SLC19A1: variants seen among roughly 807,000 people sequenced by gnomAD.
SLC19A1 encodes reduced folate transporter.
Under a neutral mutation model 35.3 loss-of-function variants are expected in SLC19A1, and 37 were observed. The observed-to-expected ratio is 1.05, with a 90% CI of 0.81 to 1.38. The LOEUF (loss-of-function observed/expected upper bound fraction) is 1.38. Among genes scored for constraint, SLC19A1 ranks in the 40% most tolerant of loss-of-function variants. SLC19A1 has a pLI of 0.00. For synonymous variants in SLC19A1, 460 were observed against 398.5 expected, an observed-to-expected ratio of 1.15 and a Z score of -1.84; for missense variants, 831 against 826.9, an observed-to-expected ratio of 1.00 and a Z score of -0.06.
Position 45,530,782 on chromosome 21 carries a change from A to ACGAGGAACTGGTAGGAGC in SLC19A1, c.1121_1138dup (p.Gly374_Leu379dup). 1 of 1,561,572 alleles carries ACGAGGAACTGGTAGGAGC rather than the reference A, an allele frequency of 6.4e-7. No homozygotes were observed. The highest frequency in any genetic ancestry group is 1.2e-5 in the South Asian group (1 of 85,280). ...TTCTGGAACTCACGTGGCGATGGGCACGAGGAACTGGTAGGAGCCGCGGAA... is the reference window on the plus strand; with the variant it reads ...TTCTGGAACTCACGTGGCGATGGGCACGAGGAACTGGTAGGAGCCGAGGAACTGGTAGGAGCCGCGGAA... On this transcript the variant is annotated inframe_insertion, in exon 4 of 6. Transcript: ENST00000311124. This position sits in a 1 kb window ranked among gnomAD's most constrained non-coding sequence, Gnocchi z 5.3.
At position 45,503,857 on chromosome 21, in the gene SLC19A1, C is replaced by T. The variant is rs570672230; in HGVS notation, c.498-5245G>A. ...CATTAACAAAAACATCAGAAAGTAT[C>T]GGTTAACTAGGAAGAACCTAATTAA... On this transcript the variant is annotated intron_variant, in intron 3 of 4. Transcript: ENST00000417954. The T allele has an allele frequency of 4.6e-4, 273 of 599,140 alleles. 1 individual carries two copies. Among genetic ancestry groups the T allele is most frequent in the African/African-American group, 1.6e-3 (89 of 54,280 alleles). The allele number at this position is 599,140 out of a possible 1,614,324, so 37.1% of individuals were successfully genotyped here. A position where few individuals can be genotyped will look rare whatever the true frequency, so the allele number is the denominator to read the frequency against.
chr21:45,517,923 C>A lies in SLC19A1; in HGVS notation c.1294-1783G>T, dbSNP rs901651347. On this transcript the variant is annotated intron_variant, in intron 5 of 5. Coordinates refer to ENST00000311124, the MANE Select transcript of SLC19A1 (RefSeq NM_194255.4). This position sits in a 1 kb window ranked among gnomAD's most constrained non-coding sequence, Gnocchi z 4.4. ...CACCCCGCTTGACCTGCAGGAGTTGCGTCAGCCACAACAGGATGCTGAAAT... is the reference window on the plus strand; with the variant it reads ...CACCCCGCTTGACCTGCAGGAGTTGAGTCAGCCACAACAGGATGCTGAAAT... 6.6e-6 allele frequency among the ~76,000 whole-genome samples: 1 copy of A among 152,184 alleles called. No individual in the cohort carries two copies. Among genetic ancestry groups the A allele is most frequent in the Non-Finnish European group, 1.5e-5 (1 of 68,040 alleles).
chr21:45,538,013 A>T lies in SLC19A1; in HGVS notation c.-49-5T>A. 7.1e-7 allele frequency: 1 copy of T among 1,402,904 alleles called. No homozygotes were observed. Among genetic ancestry groups the T allele is most frequent in the Non-Finnish European group, 9.4e-7 (1 of 1,062,352 alleles). The allele number at this position is 1,402,904 out of a possible 1,614,324, so 86.9% of individuals were successfully genotyped here. A position where few individuals can be genotyped will look rare whatever the true frequency, so the allele number is the denominator to read the frequency against. On this transcript the variant is annotated splice_region_variant and splice_polypyrimidine_tract_variant and intron_variant, in intron 1 of 5. Coordinates refer to ENST00000311124, the MANE Select transcript of SLC19A1 (RefSeq NM_194255.4). ...GGGACGAAGGTGACGCTGTGCCTGG[A>T]AGGAGGGGTGGAGTCAGGGCACCTT...
intron 5 of SLC19A1, among the ~76,000 whole-genome samples, chr21:45,521,249 A>G (rs953751735): frequency 2.0e-5 from 3 of 152,244 alleles, no homozygotes; most frequent in Admixed American, 6.5e-5. Flanking sequence ...ATGGCAGCCC[A>G]AACAGACTAA....
chr21:45,509,485 C>T (rs375753362), downstream of SLC19A1: 37 of 1,526,574 alleles, frequency 2.4e-5, no homozygotes, highest in South Asian at 1.3e-4. Context: ...CAGCCCCCCT[C>T]GCCTGCCCGA....
downstream of SLC19A1, chr21:45,510,224 G>A (rs200043539): frequency 6.8e-4 from 1,087 of 1,606,496 alleles, 3 homozygotes; most frequent in Non-Finnish European, 8.4e-4. Flanking sequence ...ATCGTGCGCC[G>A]TGCCGACCGC....
At chr21:45,509,527 A>C (rs748677532), downstream of SLC19A1, 1 of 1,536,538 alleles carries the variant, frequency 6.5e-7, no homozygotes, top group East Asian at 2.4e-5. Context: ...CCCGCACCAC[A>C]GCTCCTACGT....
Position 45,512,640 on chromosome 21 carries a change from C to A in SLC19A1, c.*3018G>T. 1 of 575,134 alleles carries A rather than the reference C, an allele frequency of 1.7e-6. No homozygotes were observed. Among genetic ancestry groups the A allele is most frequent in the South Asian group, 2.0e-5 (1 of 50,176 alleles). The allele number at this position is 575,134 out of a possible 1,614,324, so 35.6% of individuals were successfully genotyped here. ...CCCCAACTCTCCCCTGACCTGTGAG[C>A]CCAGCTGGGTCAGGCAGGGTGCAGT... is the stretch of plus-strand genomic sequence containing the variant. On this transcript the variant is annotated 3_prime_UTR_variant, in exon 6 of 6. Transcript: ENST00000311124.
Position 45,555,139 on chromosome 21 carries a change from AGGGGGCGGTGCAGGGGGCGGC to A in SLC19A1, c.-50+7582_-50+7602del, listed in dbSNP as rs1196334716. Among the ~76,000 whole-genome samples, 32 of 100,242 alleles carry A rather than the reference AGGGGGCGGTGCAGGGGGCGGC, an allele frequency of 3.2e-4. 2 individuals carry two copies. The South Asian group carries it at 5.9e-3, about 19-fold the overall frequency. The allele number at this position is 100,242 out of a possible 152,430, so 65.8% of individuals were successfully genotyped here. ...TCCCAGCCCAGCAGCCTCGCGACGCAGGGGGCGGTGCAGGGGGCGGCGGGGGCGGCGCAGGGGGCGGTGCAG... is the reference window on the plus strand; with the variant it reads ...TCCCAGCCCAGCAGCCTCGCGACGCAGGGGGCGGCGCAGGGGGCGGTGCAG... On this transcript the variant is annotated intron_variant, in intron 1 of 5. Transcript: ENST00000650808.
At chr21:45,538,717 C>T (rs1460048925) in intron 1 of SLC19A1, among the ~76,000 whole-genome samples, 2 of 152,034 alleles carry the variant, frequency 1.3e-5, no homozygotes, top group Non-Finnish European at 2.9e-5. Context: ...CGAGGCCCAG[C>T]CCCTGAGCCC....
Position 45,512,944 on chromosome 21 carries a change from G to A in SLC19A1, c.*2714C>T. On this transcript the variant is annotated 3_prime_UTR_variant, in exon 6 of 6. Transcript: ENST00000311124. ...GCTCAGGTCCCTGGGGCTAGGGGGAGCCCCTTCTGCTCAGCTCTGGGCCAT... is the reference window on the plus strand; with the variant it reads ...GCTCAGGTCCCTGGGGCTAGGGGGAACCCCTTCTGCTCAGCTCTGGGCCAT... The A allele has an allele frequency of 5.4e-6, 1 of 185,774 alleles. No individual in the cohort carries two copies. The highest frequency in any genetic ancestry group is 1.1e-5 in the Non-Finnish European group (1 of 87,050). 11.5% of individuals were successfully genotyped at this position (185,774 alleles called of 1,614,324 possible).
Position 45,532,119 on chromosome 21 carries a change from C to G in SLC19A1, c.219G>C (p.Ser73=), listed in dbSNP as rs574570514. 1.2e-6 allele frequency: 2 copies of G among 1,608,450 alleles called. No homozygotes were observed. The highest frequency in any genetic ancestry group is 8.5e-7 in the Non-Finnish European group (1 of 1,176,850). ...GCACCAGCACGGCCAGGTAGGAGTA[C>G]GACAGCACCGGCGTGATCTCGTTCG... ...QVTNEITPVL[S]YSYLAVLVPV... Residue 73 remains serine (S), a synonymous_variant, in exon 3 of 6, where the codon TCG becomes TCC. Transcript: ENST00000311124.
intron 2 of SLC19A1, among the ~76,000 whole-genome samples, chr21:45,535,218 C>T (rs2146399619): frequency 6.6e-6 from 1 of 152,354 alleles, no homozygotes; most frequent in South Asian, 2.1e-4. Flanking sequence ...CACCACACAG[C>T]ACAGTTCCAG....
chr21:45,509,019 C>T (rs1243904896), downstream of SLC19A1, among the ~76,000 whole-genome samples: 3 of 152,012 alleles, frequency 2.0e-5, no homozygotes, highest in Admixed American at 6.6e-5. Flanking sequence ...ATTAGAAGGT[C>T]GAAGGTCGCC....
At chr21:45,505,591 A>T (rs2037150745) in intron 3 of SLC19A1, among the ~76,000 whole-genome samples, 1 of 152,038 alleles carries the variant, frequency 6.6e-6, no homozygotes, top group African/African-American at 2.4e-5. Flanking sequence ...CCATGGGGGA[A>T]TCAGGTGGAC....
intron 2 of SLC19A1, among the ~76,000 whole-genome samples, chr21:45,532,440 T>TA (rs1191515353): frequency 1.3e-5 from 2 of 152,320 alleles, no homozygotes; most frequent in Admixed American, 1.3e-4. Flanking sequence ...TCTCTATTTT[T>TA]ATCTCTTTCT....
At chr21:45,516,496 G>T (rs1198482708) in intron 5 of SLC19A1, among the ~76,000 whole-genome samples, 1 of 152,214 alleles carries the variant, frequency 6.6e-6, no homozygotes, top group East Asian at 1.9e-4. Flanking sequence ...GTGCCCATGA[G>T]GGCCAGAACG....
rs1298774966 is a variant in SLC19A1 at position 45,515,526 on chromosome 21, A to AG, written c.*131dup. ...CCACCGCCAGAGTGCGGCACAGGGC[A>AG]GGGGGAATCCTAGGGGGCCTGCTAG... On this transcript the variant is annotated 3_prime_UTR_variant, in exon 6 of 6. Transcript: ENST00000311124. 6.5e-7 allele frequency: 1 copy of AG among 1,527,534 alleles called. No individual in the cohort carries two copies. Among genetic ancestry groups the AG allele is most frequent in the Non-Finnish European group, 8.7e-7 (1 of 1,152,216 alleles). The allele number at this position is 1,527,534 out of a possible 1,614,324, so 94.6% of individuals were successfully genotyped here.
chr21:45,541,678 A>C (rs1273073715), intron 1 of SLC19A1: 2 of 152,308 alleles, frequency 1.3e-5, no homozygotes, highest in African/African-American at 4.8e-5. Flanking sequence ...ATCCGCACCC[A>C]CAGCTGCTCC....
Sources: gnomAD v4.1 joint callset for allele counts (sites outside exome capture counted in the v4.1 genomes callset) on GRCh38, gnomAD v4.1.1 for gene constraint, Gnocchi (gnomAD v3.1) non-coding constraint, MANE v1.5 for transcripts, NCBI Gene and HGNC (gene_info 2026-07-23, HGNC 2026-07-21) for gene names.